RSPO3: variants seen among roughly 807,000 people sequenced by gnomAD.
RSPO3 encodes R-spondin-3.
In RSPO3, 17 loss-of-function variants were observed where a neutral mutation model predicts 36.5. The ratio of observed to expected loss-of-function variants is 0.47; its 90% CI spans 0.32 to 0.70. The LOEUF (loss-of-function observed/expected upper bound fraction) is 0.70, where lower values mean the gene tolerates loss of function less well. RSPO3 is among the 30% of genes least tolerant of loss of function. The probability of loss-of-function intolerance (pLI) is 0.04; values close to 1 mark genes in which losing one functional copy is unlikely to be tolerated. For missense variants in RSPO3, 294 were observed against 322.5 expected (o/e 0.91, Z 0.68); for synonymous variants, 108 against 107.0 (o/e 1.01, Z -0.06).
At chr6:127,126,807 A>T (rs1346185706) in intron 1 of RSPO3, among the ~76,000 whole-genome samples, 1 of 152,058 alleles carries the variant, frequency 6.6e-6, no homozygotes, top group East Asian at 1.9e-4. Context: ...ACAGTGTGGG[A>T]TCACTTCTAC....
rs1773862598 is a variant in RSPO3 at position 127,122,371 on chromosome 6, G to A, written c.97+3082G>A. Among the ~76,000 whole-genome samples, 3 of 152,116 alleles carry A rather than the reference G, an allele frequency of 2.0e-5. No individual in the cohort carries two copies. The South Asian group carries it at 6.2e-4, about 31-fold the overall frequency. On this transcript the variant is annotated intron_variant, in intron 1 of 4. Coordinates refer to ENST00000356698, the MANE Select transcript of RSPO3 (RefSeq NM_032784.5). Reference sequence around the variant, plus strand: ...ACTCAACCTTTGAATTCCAGATTGTGTGCTAATAACATTAAGAAGCACTTT... The same window carrying A: ...ACTCAACCTTTGAATTCCAGATTGTATGCTAATAACATTAAGAAGCACTTT...
chr6:127,176,117 A>G (rs1775050868), intron 4 of RSPO3, among the ~76,000 whole-genome samples: 1 of 151,724 alleles, frequency 6.6e-6, no homozygotes, highest in Non-Finnish European at 1.5e-5. Context: ...GGGGTTTTTG[A>G]CCCCAATGTT....
At chr6:127,119,318 T>C (rs1773786023) in intron 1 of RSPO3, 29 bp downstream of exon 1, 2 of 1,536,936 alleles carry the variant, frequency 1.3e-6, no homozygotes, top group Non-Finnish European at 9.0e-7. Flanking sequence ...ACGCGTTTGC[T>C]CCCTCCCGCC....
chr6:127,132,993 G>T (rs1273865830), intron 1 of RSPO3, among the ~76,000 whole-genome samples: 1 of 152,044 alleles, frequency 6.6e-6, no homozygotes, highest in African/African-American at 2.4e-5. Flanking sequence ...AAGAACCCAT[G>T]AATCTTAATT....
At chr6:127,154,824 C>G (rs1165858170) in intron 3 of RSPO3, among the ~76,000 whole-genome samples, 2 of 152,100 alleles carry the variant, frequency 1.3e-5, no homozygotes, top group Non-Finnish European at 2.9e-5. Context: ...AGCAAGCCCT[C>G]CAAGTGATTC....
intron 1 of RSPO3, among the ~76,000 whole-genome samples, chr6:127,138,724 A>G (rs1428415303): frequency 6.6e-6 from 1 of 152,198 alleles, no homozygotes; most frequent in African/African-American, 2.4e-5. Flanking sequence ...TTTTGTCTAA[A>G]TATATAATCA....
chr6:127,193,523 G>T (rs1775454847), intron 4 of RSPO3, among the ~76,000 whole-genome samples: 2 of 152,086 alleles, frequency 1.3e-5, no homozygotes, highest in Non-Finnish European at 2.9e-5. Flanking sequence ...CTTTGGAATG[G>T]TTTTTGCTGA....
intron 4 of RSPO3, among the ~76,000 whole-genome samples, chr6:127,161,870 C>T (rs1047365616): frequency 6.6e-6 from 1 of 152,212 alleles, no homozygotes; most frequent in Admixed American, 6.5e-5. Flanking sequence ...TTGTTTAGGT[C>T]TGGTGCACGA....
Position 127,167,718 on chromosome 6 carries a change from G to A in RSPO3, c.634+12280G>A, listed in dbSNP as rs142963704. Among the ~76,000 whole-genome samples, 790 of 151,966 alleles carry A rather than the reference G, an allele frequency of 5.2e-3. 1 individual carries two copies. The highest frequency in any genetic ancestry group is 8.8e-3 in the Non-Finnish European group (596 of 67,940). On this transcript the variant is annotated intron_variant, in intron 4 of 4. Transcript: ENST00000356698. ...GTTGGTGTGCTGCACCCATTAACTC[G>A]TCATTTACATTAGGTTTATCTCCTA...
chr6:127,190,020 T>C (rs1251789018), intron 4 of RSPO3, among the ~76,000 whole-genome samples: 1 of 152,164 alleles, frequency 6.6e-6, no homozygotes, highest in African/African-American at 2.4e-5. Flanking sequence ...GATAATAATA[T>C]AGGCCTGTAA....
At chr6:127,189,839 G>A (rs1015003853) in intron 4 of RSPO3, among the ~76,000 whole-genome samples, 2 of 152,120 alleles carry the variant, frequency 1.3e-5, no homozygotes, top group Non-Finnish European at 2.9e-5. Context: ...GGTAAATCAG[G>A]TAGCTTTAAA....
intron 1 of RSPO3, among the ~76,000 whole-genome samples, chr6:127,135,764 A>G (rs1774143132): frequency 6.6e-6 from 1 of 152,010 alleles, no homozygotes; most frequent in South Asian, 2.1e-4. Flanking sequence ...CTATCTGTAC[A>G]AAAAATACCA....
chr6:127,187,894 G>C (rs1775328472), intron 4 of RSPO3, among the ~76,000 whole-genome samples: 1 of 152,058 alleles, frequency 6.6e-6, no homozygotes, highest in Admixed American at 6.6e-5. Context: ...CTTTTATAAT[G>C]AGTAAAATTC....
intron 3 of RSPO3, among the ~76,000 whole-genome samples, chr6:127,152,736 T>C (rs1395871494): frequency 6.6e-6 from 1 of 152,132 alleles, no homozygotes; most frequent in Non-Finnish European, 1.5e-5. Flanking sequence ...CTGCTTTCCA[T>C]GGTTTGCAGG....
intron 3 of RSPO3, among the ~76,000 whole-genome samples, chr6:127,152,182 T>C (rs896379846): frequency 6.6e-6 from 1 of 152,156 alleles, no homozygotes; most frequent in South Asian, 2.1e-4. Flanking sequence ...CACAACTACA[T>C]TTAAGTTTAT....
chr6:127,197,282 T>C lies in RSPO3; in HGVS notation c.*1275T>C, dbSNP rs1775533738. On this transcript the variant is annotated 3_prime_UTR_variant, in exon 5 of 5. Coordinates refer to ENST00000356698, the MANE Select transcript of RSPO3 (RefSeq NM_032784.5). ...CTTATTTTAATCAACATTCTAATTA[T>C]AGACACATGGGCCTCCCTAGCTGAT... is the stretch of plus-strand genomic sequence containing the variant. The C allele has an allele frequency of 2.1e-6, 2 of 952,516 alleles. No homozygotes were observed. Among genetic ancestry groups the C allele is most frequent in the South Asian group, 1.8e-5 (1 of 56,974 alleles). 59.0% of individuals were successfully genotyped at this position (952,516 alleles called of 1,614,324 possible).
In RSPO3 at chr6:127,161,375, C is replaced by A. The variant is rs1228557725; in HGVS notation, c.634+5937C>A. On this transcript the variant is annotated intron_variant, in intron 4 of 4. Transcript: ENST00000356698. ...ACTTCTCAATATTAAAGAAAAAGCT[C>A]TGCAGAAAATAAGACTTTATTTCAT... is the stretch of plus-strand genomic sequence containing the variant. Among the ~76,000 whole-genome samples the A allele has an allele frequency of 6.9e-5, 7 of 101,222 alleles. 1 individual carries two copies. Among genetic ancestry groups the A allele is most frequent in the Admixed American group, 6.7e-4 (7 of 10,454 alleles). 66.4% of individuals were successfully genotyped at this position (101,222 alleles called of 152,430 possible).
At chr6:127,166,223 C>A (rs756810273) in intron 4 of RSPO3, among the ~76,000 whole-genome samples, 6 of 151,958 alleles carry the variant, frequency 3.9e-5, no homozygotes, top group Non-Finnish European at 7.4e-5. Flanking sequence ...TCTAATTCAT[C>A]TTTTTAATAG....
chr6:127,147,927 C>A lies in RSPO3; in HGVS notation c.98-721C>A, dbSNP rs562012737. 3.2e-4 allele frequency among the ~76,000 whole-genome samples: 49 copies of A among 152,208 alleles called. No individual in the cohort carries two copies. The South Asian group carries it at 5.4e-3, about 17-fold the overall frequency. ...GTCATATATGATCCACATGGAAACACTGGTGAGATAAGCATCACATTTTCA... is the reference window on the plus strand; with the variant it reads ...GTCATATATGATCCACATGGAAACAATGGTGAGATAAGCATCACATTTTCA... On this transcript the variant is annotated intron_variant, in intron 1 of 4. Transcript: ENST00000356698.
Sources: allele counts gnomAD v4.1 joint callset (sites outside exome capture counted in the v4.1 genomes callset), GRCh38; gene constraint gnomAD v4.1.1; transcripts MANE v1.5; gene names NCBI Gene and HGNC (gene_info 2026-07-23, HGNC 2026-07-21).